The following AIG1 variants were observed in gnomAD, a reference collection of about 807,000 sequenced individuals.
The protein encoded by AIG1 is androgen-induced gene 1 protein.
A neutral mutation model predicts 31.4 loss-of-function variants in AIG1; 23 were observed. The observed-to-expected ratio is 0.73, with a 90% confidence interval of 0.53 to 1.04. The LOEUF is 1.04. AIG1 is among the 50% of genes least tolerant of loss of function. AIG1 has a pLI of 0.00. For missense variants in AIG1, 274 were observed against 295.0 expected (o/e 0.93, Z 0.52); for synonymous variants, 100 against 110.5 (o/e 0.90, Z 0.60).
intron 3 of AIG1, among the ~76,000 whole-genome samples, chr6:143,253,034 T>G (rs1795124222): frequency 2.0e-5 from 3 of 152,154 alleles, no homozygotes. Flanking sequence ...GGGAGGACAC[T>G]CGCTAGCAAA....
intron 3 of AIG1, among the ~76,000 whole-genome samples, chr6:143,199,358 A>C (rs1790508196): frequency 6.6e-6 from 1 of 152,112 alleles, no homozygotes; most frequent in African/African-American, 2.4e-5. Flanking sequence ...ATACTCAAGC[A>C]AAAGATGGGG....
At position 143,291,469 on chromosome 6, in the gene AIG1, T is replaced by A. The variant is rs11754096; in HGVS notation, c.515+7244T>A. On this transcript the variant is annotated intron_variant, in intron 4 of 5. Transcript: ENST00000357847. The surrounding 1 kb of genome is among the most constrained non-coding windows in gnomAD (Gnocchi z 4.2). The stretch of plus-strand genomic sequence containing the variant: ...TCAGAGACCCCTGCAAACCTCACAC[T>A]TATGCACCCGACGCAGAGGTGAGCA... Among the ~76,000 whole-genome samples the A allele has an allele frequency of 1.3e-5, 2 of 151,990 alleles. No homozygotes were observed. The highest frequency in any genetic ancestry group is 2.4e-5 in the African/African-American group (1 of 41,352).
rs973103742 is a variant in AIG1, at chr6:143,088,017, C to T, written c.141+26951C>T. 2.4e-4 allele frequency among the ~76,000 whole-genome samples: 37 copies of T among 152,124 alleles called. 1 individual carries two copies. The highest frequency in any genetic ancestry group is 1.2e-4 in the African/African-American group (5 of 41,426). The stretch of plus-strand genomic sequence containing the variant: ...ATATCAGGCACATTTGGTTTGGGCT[C>T]ATAAAACCTTGAGCCAGACATAAAT... On this transcript the variant is annotated intron_variant, in intron 1 of 5. Transcript: ENST00000357847.
chr6:143,285,331 C>T (rs893419548), intron 4 of AIG1, among the ~76,000 whole-genome samples: 2 of 150,396 alleles, frequency 1.3e-5, no homozygotes, highest in South Asian at 2.1e-4. Flanking sequence ...CATGAGCCAC[C>T]GCGTCCAGCT....
chr6:143,293,399 A>G lies in AIG1; in HGVS notation c.515+9174A>G, dbSNP rs997395095. 6.6e-6 allele frequency among the ~76,000 whole-genome samples: 1 copy of G among 152,162 alleles called. No homozygotes were observed. The highest frequency in any genetic ancestry group is 1.5e-5 in the Non-Finnish European group (1 of 68,026). ...TTTTCCCATGAGATTCGAGAATGTC[A>G]TTGCTTTCCCATTATTCCAATCTGC... is the stretch of plus-strand genomic sequence containing the variant. On this transcript the variant is annotated intron_variant, in intron 4 of 5. Transcript: ENST00000357847. This position sits in a 1 kb window ranked among gnomAD's most constrained non-coding sequence, Gnocchi z 4.8.
At chr6:143,322,141 A>G (rs541615728) in intron 4 of AIG1, among the ~76,000 whole-genome samples, 1 of 149,416 alleles carries the variant, frequency 6.7e-6, no homozygotes, top group East Asian at 2.2e-4. Flanking sequence ...TTATTAAAGG[A>G]GGTTGGTGAT....
At chr6:143,126,112 A>G (rs943941075) in intron 1 of AIG1, 9 of 152,200 alleles carry the variant, frequency 5.9e-5, no homozygotes, top group African/African-American at 1.4e-4. Flanking sequence ...AATTTCGGTC[A>G]TTACAGTGAG....
intron 3 of AIG1, among the ~76,000 whole-genome samples, chr6:143,217,181 G>C (rs1277924680): frequency 6.6e-6 from 1 of 152,170 alleles, no homozygotes; most frequent in East Asian, 1.9e-4. Context: ...CATTTTACCA[G>C]CCTGATCCTT....
At chr6:143,086,159 T>C (rs535244477) in intron 1 of AIG1, among the ~76,000 whole-genome samples, 2 of 152,284 alleles carry the variant, frequency 1.3e-5, no homozygotes, top group South Asian at 4.1e-4. Context: ...GAGATAAGGA[T>C]TTTTGATAGG....
intron 4 of AIG1, among the ~76,000 whole-genome samples, chr6:143,320,446 G>A (rs1400619116): frequency 6.6e-6 from 1 of 152,144 alleles, no homozygotes; most frequent in African/African-American, 2.4e-5. Flanking sequence ...TAAGGACATG[G>A]AAACAACCTA....
chr6:143,060,885 C>A (rs753998143), upstream of AIG1: 27 of 1,395,210 alleles, frequency 1.9e-5, no homozygotes, highest in East Asian at 6.5e-4. Context: ...CCCTCACGCC[C>A]GCCCTCCTTG....
chr6:143,308,157 C>T (rs185527465), intron 4 of AIG1, among the ~76,000 whole-genome samples: 47 of 152,370 alleles, frequency 3.1e-4, no homozygotes, highest in African/African-American at 1.1e-3. Context: ...CCTTGCGCTT[C>T]CTGAGTGAGG....
intron 4 of AIG1, among the ~76,000 whole-genome samples, chr6:143,332,900 C>T (rs1027576507): frequency 6.6e-6 from 1 of 152,106 alleles, no homozygotes; most frequent in African/African-American, 2.4e-5. Flanking sequence ...ACATGGGGTC[C>T]TGGATTGGAT....
chr6:143,182,013 C>T (rs1297291534), intron 3 of AIG1, among the ~76,000 whole-genome samples: 1 of 150,752 alleles, frequency 6.6e-6, no homozygotes, highest in Non-Finnish European at 1.5e-5. Context: ...CTCTCTCTCT[C>T]TTTTTTTTTC....
intron 4 of AIG1, among the ~76,000 whole-genome samples, chr6:143,324,293 A>C (rs1776438770): frequency 6.6e-6 from 1 of 152,200 alleles, no homozygotes; most frequent in South Asian, 2.1e-4. Context: ...GCGTTTTATA[A>C]GACACTTAGT....
chr6:143,266,263 C>T (rs1355846209), intron 3 of AIG1, among the ~76,000 whole-genome samples: 1 of 146,588 alleles, frequency 6.8e-6, no homozygotes, highest in Admixed American at 7.1e-5. Flanking sequence ...AAGAGAATCG[C>T]TTGAACCCAG....
chr6:143,085,577 T>G (rs765390506), intron 1 of AIG1, among the ~76,000 whole-genome samples: 1 of 152,190 alleles, frequency 6.6e-6, no homozygotes, highest in Non-Finnish European at 1.5e-5. Context: ...TCAAGATGCA[T>G]TCCCATAAAC....
At chr6:143,076,553 T>C (rs7775912) in intron 1 of AIG1, among the ~76,000 whole-genome samples, 38,729 of 152,170 alleles carry the variant, frequency 0.25, 8,978 homozygotes, top group African/African-American at 0.59. Context: ...GTACAGTTTA[T>C]GTTTAATGTA....
intron 1 of AIG1, 51 bp downstream of exon 1, chr6:143,061,117 CGTGTGTGTGTGTGTGTGT>C (rs138059311): frequency 1.4e-6 from 2 of 1,410,368 alleles, no homozygotes; most frequent in Non-Finnish European, 2.0e-6. Flanking sequence ...CCTGTGTGTG[CGTGTGTGTGTGTGTGTGT>C]GTGTGTGTGT....
Sources: gnomAD v4.1 joint callset for allele counts (sites outside exome capture counted in the v4.1 genomes callset) on GRCh38, gnomAD v4.1.1 for gene constraint, Gnocchi (gnomAD v3.1) non-coding constraint, MANE v1.5 for transcripts, NCBI Gene and HGNC (gene_info 2026-07-23, HGNC 2026-07-21) for gene names.